The following USP25 variants were observed in gnomAD, a reference collection of about 807,000 sequenced individuals.
USP25 encodes the protein ubiquitin specific peptidase 25, also known as ubiquitin carboxyl-terminal hydrolase 25.
Under a neutral mutation model 158.5 loss-of-function variants are expected in USP25, and 85 were observed. That is an observed-to-expected ratio of 0.54 (90% CI 0.45 to 0.64). The LOEUF (loss-of-function observed/expected upper bound fraction) is 0.64. USP25 is among the 30% of genes least tolerant of loss of function. The pLI, the probability that USP25 is intolerant of heterozygous loss-of-function variation, is 0.00. For synonymous variants in USP25, 464 were observed against 460.4 expected, an observed-to-expected ratio of 1.01 and a Z score of -0.10; for missense variants, 1,242 against 1,327.3, an observed-to-expected ratio of 0.94 and a Z score of 1.00.
intron 6 of USP25, among the ~76,000 whole-genome samples, chr21:15,802,357 T>A (rs1402358924): frequency 1.3e-5 from 2 of 151,558 alleles, no homozygotes; most frequent in Non-Finnish European, 3.0e-5. Flanking sequence ...CATTCTGAGA[T>A]TTCTGCCATT....
rs371653984 is a variant in USP25, at chr21:15,831,404, C to T, written c.1768C>T (p.Pro590Ser). 2 of 1,613,646 alleles carry T rather than the reference C, an allele frequency of 1.2e-6. No individual in the cohort carries two copies. Among genetic ancestry groups the T allele is most frequent in the Admixed American group, 3.3e-5 (2 of 59,992 alleles). Residue 590 changes from proline to serine, a missense_variant, in exon 16 of 26, where the codon CCT (proline) becomes TCT (serine). Around this residue, in one of 3 missense-constraint regions of USP25, gnomAD observed 627 missense variants for 701.4 expected, o/e 0.89. Coordinates refer to ENST00000400183, the MANE Select transcript of USP25 (RefSeq NM_001283041.3). ...CTCTTCTTTTTTTCACATTTAGGTTCCTTATCGATTACATGCCGTTTTAGT... is the reference window on the plus strand; with the variant it reads ...CTCTTCTTTTTTTCACATTTAGGTTTCTTATCGATTACATGCCGTTTTAGT... ...MYSDKSMIQV[P>S]YRLHAVLVHE...
At position 15,816,650 on chromosome 21, in the gene USP25, A is replaced by C. The variant is rs1320712525; in HGVS notation, c.932-2048A>C. ...CCCTAGGCATCTCATTCAGTGCCTT[A>C]ATTTCCTGCTGTCAATAAGCCAGCA... On this transcript the variant is annotated intron_variant, in intron 9 of 25. Coordinates refer to ENST00000400183, the MANE Select transcript of USP25 (RefSeq NM_001283041.3). This position sits in a 1 kb window ranked among gnomAD's most constrained non-coding sequence, Gnocchi z 4.0. Among the ~76,000 whole-genome samples the C allele has an allele frequency of 6.6e-6, 1 of 152,112 alleles. No homozygotes were observed. Among genetic ancestry groups the C allele is most frequent in the African/African-American group, 2.4e-5 (1 of 41,438 alleles).
chr21:15,806,525 T>C (rs1034547296), intron 7 of USP25, among the ~76,000 whole-genome samples: 1 of 152,064 alleles, frequency 6.6e-6, no homozygotes, highest in African/African-American at 2.4e-5. Flanking sequence ...TCTGGAGCCA[T>C]GTATGTACAT....
At chr21:15,830,662 C>T (rs2037754248) in intron 15 of USP25, 61 bp downstream of exon 15, 4 of 1,297,978 alleles carry the variant, frequency 3.1e-6, no homozygotes, top group Non-Finnish European at 4.2e-6. Flanking sequence ...TTTAATTTAC[C>T]TTTACATTAT....
intron 20 of USP25, among the ~76,000 whole-genome samples, chr21:15,858,582 C>T (rs1413835171): frequency 6.6e-6 from 1 of 151,080 alleles, no homozygotes; most frequent in Non-Finnish European, 1.5e-5. Context: ...ATTTTATTTT[C>T]TTGATTATTT....
Position 15,811,253 on chromosome 21 carries a change from T to G in USP25, c.931+43T>G, listed in dbSNP as rs756054544. 6.7e-6 allele frequency: 10 copies of G among 1,485,860 alleles called. No homozygotes were observed. The Admixed American group carries it at 1.8e-4, about 26-fold the overall frequency. The allele number at this position is 1,485,860 out of a possible 1,614,324, so 92.0% of individuals were successfully genotyped here. ...CTTTTTATTGCAAGTGAAGAGAGAT[T>G]ATTATTCATTCATTCGTCTCGATAG... On this transcript the variant is annotated intron_variant, in intron 9 of 25. Transcript: ENST00000400183.
chr21:15,812,048 C>G (rs909681251), intron 9 of USP25, among the ~76,000 whole-genome samples: 1 of 151,942 alleles, frequency 6.6e-6, no homozygotes, highest in East Asian at 1.9e-4. Context: ...TTTAAAAAGT[C>G]TTAGTGACAT....
At chr21:15,770,830 TGA>T (rs899016620) in intron 3 of USP25, among the ~76,000 whole-genome samples, 1 of 152,050 alleles carries the variant, frequency 6.6e-6, no homozygotes, top group African/African-American at 2.4e-5. Context: ...AGTTTAACAG[TGA>T]GAATATTGAA....
intron 4 of USP25, among the ~76,000 whole-genome samples, chr21:15,782,459 T>G (rs1182111817): frequency 6.6e-6 from 1 of 152,152 alleles, no homozygotes; most frequent in Non-Finnish European, 1.5e-5. Flanking sequence ...CCTGGCCTGA[T>G]AGCCAGCCCA....
At chr21:15,872,508 T>C (rs2039937102) in intron 23 of USP25, among the ~76,000 whole-genome samples, 1 of 152,230 alleles carries the variant, frequency 6.6e-6, no homozygotes, top group African/African-American at 2.4e-5. Context: ...AAGATAGATG[T>C]GCTAGTTACT....
intron 1 of USP25, among the ~76,000 whole-genome samples, chr21:15,756,353 A>G (rs1311752189): frequency 6.6e-6 from 1 of 152,092 alleles, no homozygotes; most frequent in Non-Finnish European, 1.5e-5. Flanking sequence ...GAGTCCTTTC[A>G]ATTGCTTTTG....
chr21:15,730,293 G>C lies in USP25; in HGVS notation c.-101G>C. ...GGGGCGCTGTCCTCCCAGGCCGTCC[G>C]CGCCGCTCCCTGGAGCTCGGCGGAG... On this transcript the variant is annotated 5_prime_UTR_variant, in exon 1 of 26. Transcript: ENST00000400183. 1.0e-6 allele frequency: 1 copy of C among 998,140 alleles called. No individual in the cohort carries two copies. Among genetic ancestry groups the C allele is most frequent in the Non-Finnish European group, 1.2e-6 (1 of 838,126 alleles). The allele number at this position is 998,140 out of a possible 1,614,324, so 61.8% of individuals were successfully genotyped here.
chr21:15,811,261 A>G (rs757032208), intron 9 of USP25, 51 bp downstream of exon 9: 1 of 1,475,300 alleles, frequency 6.8e-7, no homozygotes, highest in East Asian at 2.3e-5. Flanking sequence ...ATTATTATTC[A>G]TTCATTCGTC....
chr21:15,757,396 C>G (rs148901660), intron 1 of USP25, among the ~76,000 whole-genome samples: 128 of 152,216 alleles, frequency 8.4e-4, no homozygotes, highest in African/African-American at 3.0e-3. Context: ...AAACATGAAC[C>G]ATACTAGAGA....
At chr21:15,743,743 T>TGCCTGCCTAGGAGTTGGTCTACTGTGGC (rs2032277208) in intron 1 of USP25, among the ~76,000 whole-genome samples, 2 of 152,124 alleles carry the variant, frequency 1.3e-5, no homozygotes, top group Non-Finnish European at 2.9e-5. Context: ...GACCTGTCCC[T>TGCCTGCCTAGGAGTTGGTCTACTGTGGC]GCCTGCCTAG....
chr21:15,818,867 GTC>G, intron 10 of USP25, 21 bp downstream of exon 10: 1 of 1,612,004 alleles, frequency 6.2e-7, no homozygotes, highest in Non-Finnish European at 8.5e-7. Context: ...CATTTTCATT[GTC>G]CCCTTTCTTC....
chr21:15,833,234 G>T, intron 16 of USP25, 114 bp from the exon 17 acceptor site: 2 of 961,090 alleles, frequency 2.1e-6, no homozygotes, highest in African/African-American at 3.3e-5. Context: ...AATATGATTG[G>T]CTGAGTGGTA....
chr21:15,861,617 A>G (rs1303083941), intron 20 of USP25, among the ~76,000 whole-genome samples: 1 of 152,192 alleles, frequency 6.6e-6, no homozygotes, highest in African/African-American at 2.4e-5. Context: ...GAGAATTTGA[A>G]TAAATATGAT....
intron 4 of USP25, among the ~76,000 whole-genome samples, chr21:15,785,975 A>G (rs1283776168): frequency 6.6e-6 from 1 of 152,144 alleles, no homozygotes; most frequent in Non-Finnish European, 1.5e-5. Context: ...AACATTACAA[A>G]TGTATCACAG....
Sources: allele counts gnomAD v4.1 joint callset (sites outside exome capture counted in the v4.1 genomes callset), GRCh38; gene constraint gnomAD v4.1.1; regional missense constraint gnomAD v4.1.1; non-coding constraint Gnocchi (gnomAD v3.1); transcripts MANE v1.5; gene names NCBI Gene and HGNC (gene_info 2026-07-23, HGNC 2026-07-21).